The following ABLIM2 variants were observed in gnomAD, a reference collection of about 807,000 sequenced individuals.
ABLIM2 encodes the protein actin-binding LIM protein 2.
A neutral mutation model predicts 97.7 loss-of-function variants in ABLIM2; 53 were observed. The ratio of observed to expected loss-of-function variants is 0.54; its 90% CI spans 0.44 to 0.68. ABLIM2 has a LOEUF of 0.68. Ranked by LOEUF, ABLIM2 falls within the 30% of genes least tolerant of loss-of-function variation. ABLIM2 has a pLI of 0.00. For missense variants in ABLIM2, 835 were observed against 867.2 expected, an observed-to-expected ratio of 0.96 and a Z score of 0.47; for synonymous variants, 361 against 345.8, an observed-to-expected ratio of 1.04 and a Z score of -0.49.
rs1293728801 is a variant in ABLIM2, at chr4:8,002,537, G to A, written c.1618+5522C>T. Among the ~76,000 whole-genome samples the A allele has an allele frequency of 1.3e-5, 2 of 152,132 alleles. No homozygotes were observed. The highest frequency in any genetic ancestry group is 6.5e-5 in the Admixed American group (1 of 15,268). On this transcript the variant is annotated intron_variant, in intron 16 of 20. Transcript: ENST00000447017. The surrounding 1 kb of genome is among the most constrained non-coding windows in gnomAD (Gnocchi z 6.1). ...CAACATCTCCTGTCACGCTCGTGTC[G>A]TGCTGACGTTCCCCTCCCTGGCACT...
At chr4:8,048,104 G>C (rs1304121126) in intron 8 of ABLIM2, among the ~76,000 whole-genome samples, 1 of 152,214 alleles carries the variant, frequency 6.6e-6, no homozygotes, top group Non-Finnish European at 1.5e-5. Context: ...GTCTAGGCGG[G>C]GCAGCCAGGT....
At position 8,097,192 on chromosome 4, in the gene ABLIM2, C is replaced by A. The variant is rs761815670; in HGVS notation, c.245G>T (p.Arg82Leu). The change falls in exon 3 of 21, where the codon CGC becomes CTC. Residue 82 changes from arginine (R) to leucine (L), a missense_variant. Coordinates refer to ENST00000447017, the MANE Select transcript of ABLIM2 (RefSeq NM_001130083.2). ...AATGAACTGGTCGCAGCTGAAGCAG[C>A]GGGTGCCGTAGAGCCTCTGGTAGTC... is the stretch of plus-strand genomic sequence containing the variant. ...TLDYQRLYGTRCFSCDQFIEG... is the reference protein window; with the variant it reads ...TLDYQRLYGTLCFSCDQFIEG... The A allele has an allele frequency of 1.9e-6, 3 of 1,598,824 alleles. No homozygotes were observed. The highest frequency in any genetic ancestry group is 2.6e-6 in the Non-Finnish European group (3 of 1,173,260).
intron 1 of ABLIM2, among the ~76,000 whole-genome samples, chr4:8,108,850 C>G (rs186949666): frequency 6.6e-6 from 1 of 152,378 alleles, no homozygotes; most frequent in East Asian, 1.9e-4. Flanking sequence ...ATTTCCACAG[C>G]AGTCTAACGC....
In ABLIM2 at chr4:8,021,960, G is replaced by A. The variant is rs962335720; in HGVS notation, c.1268-1657C>T. ...GTGGCACCCTTGCTGGTCAGGTCACGCTCGTCAGGATGCTCCACGGTGGAC... is the reference window on the plus strand; with the variant it reads ...GTGGCACCCTTGCTGGTCAGGTCACACTCGTCAGGATGCTCCACGGTGGAC... On this transcript the variant is annotated intron_variant, in intron 12 of 20. Transcript: ENST00000447017. This position sits in a 1 kb window ranked among gnomAD's most constrained non-coding sequence, Gnocchi z 5.5. Among the ~76,000 whole-genome samples the A allele has an allele frequency of 2.0e-5, 3 of 152,130 alleles. No individual in the cohort carries two copies. Among genetic ancestry groups the A allele is most frequent in the East Asian group, 1.9e-4 (1 of 5,192 alleles).
Position 8,120,712 on chromosome 4 carries a change from C to T in ABLIM2, c.11-14075G>A, listed in dbSNP as rs1304271788. On this transcript the variant is annotated intron_variant, in intron 1 of 20. Coordinates refer to ENST00000447017, the MANE Select transcript of ABLIM2 (RefSeq NM_001130083.2). This position sits in a 1 kb window ranked among gnomAD's most constrained non-coding sequence, Gnocchi z 5.6. ...CACTTCTCAGCTTACAGTGCAGGTC[C>T]GTCCTGATGAACCCGGGGCAAGCTC... Among the ~76,000 whole-genome samples, 3 of 152,184 alleles carry T rather than the reference C, an allele frequency of 2.0e-5. 1 individual carries two copies. Among genetic ancestry groups the T allele is most frequent in the Non-Finnish European group, 2.9e-5 (2 of 68,038 alleles).
At chr4:8,111,978 G>T (rs1191771028) in intron 1 of ABLIM2, among the ~76,000 whole-genome samples, 1 of 151,790 alleles carries the variant, frequency 6.6e-6, no homozygotes, top group African/African-American at 2.4e-5. Flanking sequence ...ATTGCGGCAG[G>T]TTCATTTCAC....
In ABLIM2 at chr4:7,992,648, C is replaced by G. The variant is rs1259501557; in HGVS notation, c.1680+218G>C. Among the ~76,000 whole-genome samples, 1 of 152,098 alleles carries G rather than the reference C, an allele frequency of 6.6e-6. No individual in the cohort carries two copies. The highest frequency in any genetic ancestry group is 1.5e-5 in the Non-Finnish European group (1 of 67,996). ...CTCCCTGGGGTCGGGGGCAGGGAGG[C>G]AGAGTGGGGAGGGTGTTGCCCAGGT... is the stretch of plus-strand genomic sequence containing the variant. On this transcript the variant is annotated intron_variant, in intron 17 of 20. Transcript: ENST00000447017. The surrounding 1 kb of genome is among the most constrained non-coding windows in gnomAD (Gnocchi z 5.7).
intron 20 of ABLIM2, 42 bp downstream of exon 20, chr4:7,983,222 G>T (rs375619424): frequency 1.9e-6 from 3 of 1,570,400 alleles, no homozygotes; most frequent in African/African-American, 2.7e-5. Context: ...GGGGACTCTC[G>T]CATGGGAAAT....
At position 8,054,145 on chromosome 4, in the gene ABLIM2, A is replaced by G. The variant is rs751026817; in HGVS notation, c.822+43T>C. ...CTTAACTGTACAAAGATGGTGCAGG[A>G]GCAGTGAAGGGTACATCAGAGACAC... On this transcript the variant is annotated intron_variant, in intron 8 of 20. Coordinates refer to ENST00000447017, the MANE Select transcript of ABLIM2 (RefSeq NM_001130083.2). This position sits in a 1 kb window ranked among gnomAD's most constrained non-coding sequence, Gnocchi z 4.9. 1 of 1,597,040 alleles carries G rather than the reference A, an allele frequency of 6.3e-7. No individual in the cohort carries two copies. The highest frequency in any genetic ancestry group is 1.1e-5 in the South Asian group (1 of 90,716).
intron 18 of ABLIM2, among the ~76,000 whole-genome samples, chr4:7,984,623 C>A (rs970026899): frequency 6.6e-5 from 10 of 152,224 alleles, no homozygotes; most frequent in African/African-American, 2.2e-4. Flanking sequence ...ATGGATGGGA[C>A]AGAGGGAGCA....
chr4:8,059,777 A>G (rs781715022), intron 7 of ABLIM2, among the ~76,000 whole-genome samples: 6 of 151,954 alleles, frequency 3.9e-5, no homozygotes, highest in Non-Finnish European at 7.4e-5. Flanking sequence ...ATGGTGGTGC[A>G]TGCCTGTAAT....
intron 3 of ABLIM2, among the ~76,000 whole-genome samples, chr4:8,093,233 G>A (rs1188026297): frequency 3.9e-5 from 6 of 152,156 alleles, no homozygotes; most frequent in Admixed American, 3.9e-4. Context: ...TCAATATTTT[G>A]TAGAGCAGCG....
intron 14 of ABLIM2, chr4:8,010,510 A>G: frequency 1.0e-6 from 1 of 985,944 alleles, no homozygotes; most frequent in African/African-American, 1.7e-5. Flanking sequence ...GACTGATACC[A>G]GGCCAGAGAG....
chr4:8,012,894 G>A (rs764068009), intron 14 of ABLIM2, among the ~76,000 whole-genome samples: 5 of 151,942 alleles, frequency 3.3e-5, no homozygotes, highest in Non-Finnish European at 5.9e-5. Context: ...TTAATCCATC[G>A]ATCAGTCCAT....
At chr4:8,139,166 C>T (rs144385326) in intron 1 of ABLIM2, among the ~76,000 whole-genome samples, 1 of 149,632 alleles carries the variant, frequency 6.7e-6, no homozygotes, top group Non-Finnish European at 1.5e-5. Flanking sequence ...CATTACGCTC[C>T]AGCCTGGGCA....
In ABLIM2 at chr4:8,071,886, G is replaced by A; in HGVS notation, c.675+5742C>T. 8.1e-6 allele frequency: 8 copies of A among 985,450 alleles called. No individual in the cohort carries two copies. Among genetic ancestry groups the A allele is most frequent in the Non-Finnish European group, 9.6e-6 (8 of 829,970 alleles). The allele number at this position is 985,450 out of a possible 1,614,324, so 61.0% of individuals were successfully genotyped here. ...ACCTTCAGCCAACAGTCTGTCACCT[G>A]CTCCTGCTGCGCCCTGGGAGTCCAC... On this transcript the variant is annotated intron_variant, in intron 6 of 20. Transcript: ENST00000447017. The surrounding 1 kb of genome is among the most constrained non-coding windows in gnomAD (Gnocchi z 6.2).
At chr4:8,100,020 G>C (rs1833719691) in intron 2 of ABLIM2, among the ~76,000 whole-genome samples, 1 of 152,208 alleles carries the variant, frequency 6.6e-6, no homozygotes, top group Non-Finnish European at 1.5e-5. Flanking sequence ...GGGCAGGTGG[G>C]GGTGATGGGA....
intron 17 of ABLIM2, among the ~76,000 whole-genome samples, chr4:7,990,008 A>G (rs559232278): frequency 6.6e-6 from 1 of 152,246 alleles, no homozygotes; most frequent in Admixed American, 6.5e-5. Flanking sequence ...GACCTTTAGG[A>G]CATATTGTGC....
chr4:8,107,828 A>G (rs894920195), intron 1 of ABLIM2, among the ~76,000 whole-genome samples: 5 of 152,174 alleles, frequency 3.3e-5, no homozygotes, highest in Non-Finnish European at 7.3e-5. Flanking sequence ...TGAGCCCAAC[A>G]TCATCACGGG....
Sources: allele counts gnomAD v4.1 joint callset (sites outside exome capture counted in the v4.1 genomes callset), GRCh38; gene constraint gnomAD v4.1.1; non-coding constraint Gnocchi (gnomAD v3.1); transcripts MANE v1.5; gene names NCBI Gene and HGNC (gene_info 2026-07-23, HGNC 2026-07-21).